The following BCKDHB variants were observed in gnomAD, a reference collection of about 807,000 sequenced individuals.
The protein encoded by BCKDHB is 2-oxoisovalerate dehydrogenase subunit beta, mitochondrial.
In BCKDHB, 41 loss-of-function variants were observed where a neutral mutation model predicts 48.5. The ratio of observed to expected loss-of-function variants is 0.85; its 90% CI spans 0.66 to 1.10. The LOEUF is 1.10. Among genes scored for constraint, BCKDHB ranks in the 50% least tolerant of loss-of-function variants. The pLI, the probability that BCKDHB is intolerant of heterozygous loss-of-function variation, is 0.00. For missense variants in BCKDHB, 496 were observed against 494.2 expected, an observed-to-expected ratio of 1.00 and a Z score of -0.03; for synonymous variants, 201 against 174.8, an observed-to-expected ratio of 1.15 and a Z score of -1.18.
chr6:80,190,612 TA>T (rs1773850722), intron 6 of BCKDHB, among the ~76,000 whole-genome samples: 1 of 152,218 alleles, frequency 6.6e-6, no homozygotes, highest in Non-Finnish European at 1.5e-5. Context: ...AAGGGCTCAC[TA>T]AATATTAGCT....
chr6:80,281,208 T>C (rs1028010281), intron 9 of BCKDHB, among the ~76,000 whole-genome samples: 5 of 151,982 alleles, frequency 3.3e-5, no homozygotes, highest in African/African-American at 9.7e-5. Flanking sequence ...TAGGGTCACA[T>C]AGGAAGAGAT....
intron 8 of BCKDHB, among the ~76,000 whole-genome samples, chr6:80,248,319 T>C (rs1776696840): frequency 6.6e-6 from 1 of 152,198 alleles, no homozygotes; most frequent in Non-Finnish European, 1.5e-5. Flanking sequence ...TTTCTGAACA[T>C]GGGATATAGT....
At chr6:80,361,818 G>A in the BCKDHB span, among the ~76,000 whole-genome samples, 1 of 152,164 alleles carries the variant, frequency 6.6e-6, no homozygotes, top group African/African-American at 2.4e-5. Flanking sequence ...TCTAAGTGCT[G>A]TTTTGCACAC....
intron 8 of BCKDHB, among the ~76,000 whole-genome samples, chr6:80,231,669 A>G (rs545525622): frequency 6.6e-6 from 1 of 152,176 alleles, no homozygotes; most frequent in East Asian, 1.9e-4. Context: ...CAAATAAAGT[A>G]TAAGAAAGTG....
chr6:80,426,967 A>T, the BCKDHB span, among the ~76,000 whole-genome samples: 2 of 152,114 alleles, frequency 1.3e-5, no homozygotes, highest in Non-Finnish European at 1.5e-5. Context: ...TTCTTTTCTC[A>T]GTTCCATTAA....
the BCKDHB span, among the ~76,000 whole-genome samples, chr6:80,398,696 G>GGAA: frequency 6.9e-6 from 1 of 144,280 alleles, no homozygotes; most frequent in African/African-American, 2.5e-5. Flanking sequence ...TAAAACTTTT[G>GGAA]AAAAAAAAAA....
At chr6:80,441,714 T>C in the BCKDHB span, among the ~76,000 whole-genome samples, 2 of 152,304 alleles carry the variant, frequency 1.3e-5, no homozygotes, top group East Asian at 3.9e-4. Context: ...GTCATCATGT[T>C]TGTTATTAAA....
chr6:80,415,917 G>T, the BCKDHB span, among the ~76,000 whole-genome samples: 12 of 151,250 alleles, frequency 7.9e-5, no homozygotes, highest in Admixed American at 6.6e-4. Context: ...TTTCTTGGTG[G>T]GTAGTATAAT....
At chr6:80,424,007 G>A in the BCKDHB span, among the ~76,000 whole-genome samples, 9 of 152,176 alleles carry the variant, frequency 5.9e-5, no homozygotes, top group Admixed American at 3.9e-4. Context: ...AGATGTGAAT[G>A]TATGGTGATA....
intron 1 of BCKDHB, among the ~76,000 whole-genome samples, chr6:80,111,590 C>G (rs1769411573): frequency 6.6e-6 from 1 of 152,094 alleles, no homozygotes; most frequent in African/African-American, 2.4e-5. Flanking sequence ...CTGGTGTGCT[C>G]CATCAATTCC....
At chr6:80,370,434 A>C in the BCKDHB span, among the ~76,000 whole-genome samples, 33 of 152,202 alleles carry the variant, frequency 2.2e-4, no homozygotes, top group Middle Eastern at 3.4e-3. Context: ...TTTGGGGAAC[A>C]GGTGGTCTTT....
intron 1 of BCKDHB, among the ~76,000 whole-genome samples, chr6:80,111,679 A>C (rs149837526): frequency 6.6e-6 from 1 of 152,214 alleles, no homozygotes; most frequent in African/African-American, 2.4e-5. Context: ...GCAGGAAACA[A>C]AATAACTATT....
rs147864693 is a variant in BCKDHB at position 80,335,603 on chromosome 6, C to T, written c.1039-8061C>T. 6.6e-5 allele frequency among the ~76,000 whole-genome samples: 10 copies of T among 152,192 alleles called. No homozygotes were observed. The East Asian group carries it at 1.4e-3, about 21-fold the overall frequency. ...TACATTTTAAATGTCAAAACTTGCA[C>T]ATAGTGTATCTCATAAAGAATTTAA... On this transcript the variant is annotated intron_variant, in intron 9 of 9. Coordinates refer to ENST00000320393, the MANE Select transcript of BCKDHB (RefSeq NM_183050.4).
At chr6:80,187,229 T>C (rs1312660629) in intron 6 of BCKDHB, among the ~76,000 whole-genome samples, 1 of 152,208 alleles carries the variant, frequency 6.6e-6, no homozygotes, top group African/African-American at 2.4e-5. Flanking sequence ...TGCAGTATCA[T>C]TTGATTAAAT....
chr6:80,397,407 G>A, the BCKDHB span, among the ~76,000 whole-genome samples: 5 of 152,130 alleles, frequency 3.3e-5, no homozygotes, highest in African/African-American at 1.2e-4. Context: ...TTGTGTGTGT[G>A]TATGTGTGTG....
At chr6:80,370,778 TGTGTGTGTATATATAGC>T in the BCKDHB span, among the ~76,000 whole-genome samples, 9,085 of 52,856 alleles carry the variant, frequency 0.17, 387 homozygotes, top group South Asian at 0.32. Flanking sequence ...ATATATAGCG[TGTGTGTGTATATATAGC>T]GTGTGTGTGT....
At chr6:80,256,003 C>G (rs1007449233) in intron 8 of BCKDHB, among the ~76,000 whole-genome samples, 1 of 152,096 alleles carries the variant, frequency 6.6e-6, no homozygotes, top group Non-Finnish European at 1.5e-5. Flanking sequence ...TTGGTTATTT[C>G]CCCCCAAAGG....
chr6:80,107,511 GCGCATATATATATATA>G (rs1562050406), intron 1 of BCKDHB, among the ~76,000 whole-genome samples: 1 of 36,232 alleles, frequency 2.8e-5, no homozygotes, highest in Non-Finnish European at 4.8e-5. Context: ...ATATATATGT[GCGCATATATATATATA>G]TGCATATATA....
chr6:80,409,680 G>T, the BCKDHB span, among the ~76,000 whole-genome samples: 14 of 131,522 alleles, frequency 1.1e-4, no homozygotes, highest in East Asian at 2.9e-3. Context: ...TTATGTAATG[G>T]CCTTCTTTGT....
Sources: gnomAD v4.1 joint callset for allele counts (sites outside exome capture counted in the v4.1 genomes callset) on GRCh38, gnomAD v4.1.1 for gene constraint, MANE v1.5 for transcripts, NCBI Gene and HGNC (gene_info 2026-07-23, HGNC 2026-07-21) for gene names.